The following SIPA1L1 variants were observed in gnomAD, a reference collection of about 807,000 sequenced individuals.
The protein encoded by SIPA1L1 is signal induced proliferation associated 1 like 1.
In SIPA1L1, 26 loss-of-function variants were observed where a neutral mutation model predicts 162.7. The ratio of observed to expected loss-of-function variants is 0.16; its 90% CI spans 0.12 to 0.22. The LOEUF is 0.22. Ranked by LOEUF, SIPA1L1 falls within the 10% of genes least tolerant of loss-of-function variation. The probability of loss-of-function intolerance (pLI) is 1.00; values close to 1 mark genes in which losing one functional copy is unlikely to be tolerated. For synonymous variants in SIPA1L1, 829 were observed against 837.4 expected (o/e 0.99, Z 0.17); for missense variants, 1,874 against 2,241.0 (o/e 0.84, Z 3.31).
At chr14:71,718,940 CTTCTT>C (rs1483895548) in intron 17 of SIPA1L1, among the ~76,000 whole-genome samples, 2 of 148,364 alleles carry the variant, frequency 1.3e-5, no homozygotes, top group Non-Finnish European at 3.0e-5. Context: ...TTTTTTTCCT[CTTCTT>C]TTTATTTTTT....
At chr14:71,340,696 C>T (rs2035557312) in intron 2 of SIPA1L1, among the ~76,000 whole-genome samples, 1 of 152,090 alleles carries the variant, frequency 6.6e-6, no homozygotes, top group South Asian at 2.1e-4. Context: ...CTATTGTAGG[C>T]TTTACTGAGA....
intron 3 of SIPA1L1, among the ~76,000 whole-genome samples, chr14:71,527,623 A>C (rs1595911281): frequency 6.6e-6 from 1 of 151,832 alleles, no homozygotes; most frequent in Admixed American, 6.6e-5. Context: ...TTTAATGCTT[A>C]AAAATTTTTT....
intron 2 of SIPA1L1, among the ~76,000 whole-genome samples, chr14:71,496,079 A>G (rs1329828903): frequency 3.3e-5 from 5 of 151,522 alleles, no homozygotes; most frequent in Non-Finnish European, 5.9e-5. Flanking sequence ...AAAGAAAAAA[A>G]AAAAAAAAGC....
intron 16 of SIPA1L1, among the ~76,000 whole-genome samples, chr14:71,705,883 A>G (rs998048874): frequency 1.3e-5 from 2 of 152,058 alleles, no homozygotes; most frequent in African/African-American, 2.4e-5. Context: ...AATTGGGAAT[A>G]TGAGGTTATC....
chr14:71,414,391 C>A (rs1232386308), intron 2 of SIPA1L1, among the ~76,000 whole-genome samples: 1 of 151,582 alleles, frequency 6.6e-6, no homozygotes, highest in Admixed American at 6.6e-5. Flanking sequence ...GGAAAAAAAA[C>A]AAAAACAAAA....
At chr14:71,648,498 G>A (rs1247421770) in intron 7 of SIPA1L1, among the ~76,000 whole-genome samples, 1 of 152,154 alleles carries the variant, frequency 6.6e-6, no homozygotes, top group Non-Finnish European at 1.5e-5. Context: ...GAAAATGGTA[G>A]TTCAGGTTCG....
chr14:71,427,317 G>GGTTT (rs1037985458), intron 2 of SIPA1L1, among the ~76,000 whole-genome samples: 1 of 151,938 alleles, frequency 6.6e-6, no homozygotes, highest in East Asian at 1.9e-4. Context: ...CTGGTTGATA[G>GGTTT]GTTTGTTTGT....
At chr14:71,661,525 G>GCCCC in intron 10 of SIPA1L1, 58 bp downstream of exon 10, 1 of 1,548,302 alleles carries the variant, frequency 6.5e-7, no homozygotes, top group Non-Finnish European at 8.8e-7. Flanking sequence ...TCGCATAGAG[G>GCCCC]CCCCATTCAG....
At chr14:71,324,899 C>T (rs753033480) in intron 2 of SIPA1L1, among the ~76,000 whole-genome samples, 11 of 151,994 alleles carry the variant, frequency 7.2e-5, no homozygotes, top group Non-Finnish European at 1.5e-4. Context: ...TAAAACAGGA[C>T]ATAAAACAGG....
intron 2 of SIPA1L1, among the ~76,000 whole-genome samples, chr14:71,460,144 A>G (rs1213687107): frequency 1.3e-5 from 2 of 152,358 alleles, no homozygotes; most frequent in South Asian, 2.1e-4. Context: ...TTAACAAAAG[A>G]AGGAGGAAAT....
chr14:71,562,907 G>A (rs1030944582), intron 4 of SIPA1L1, among the ~76,000 whole-genome samples: 5 of 152,060 alleles, frequency 3.3e-5, no homozygotes, highest in South Asian at 4.1e-4. Context: ...CGCCCGCCTC[G>A]GCTTCCCAAA....
chr14:71,372,533 A>G (rs532376111), intron 2 of SIPA1L1, among the ~76,000 whole-genome samples: 3 of 152,264 alleles, frequency 2.0e-5, no homozygotes, highest in Admixed American at 6.5e-5. Flanking sequence ...TTAAATATTC[A>G]TGTACATTCT....
At chr14:71,431,581 C>T (rs1291851001) in intron 2 of SIPA1L1, among the ~76,000 whole-genome samples, 1 of 151,846 alleles carries the variant, frequency 6.6e-6, no homozygotes, top group Non-Finnish European at 1.5e-5. Context: ...GTACTTCCAG[C>T]TACTTGGGAG....
intron 5 of SIPA1L1, among the ~76,000 whole-genome samples, chr14:71,599,777 G>T (rs1398495422): frequency 1.3e-5 from 2 of 151,928 alleles, no homozygotes; most frequent in South Asian, 2.1e-4. Context: ...ACCAACATCT[G>T]TTGTCTTTTT....
At chr14:71,545,854 A>C (rs1026263210) in intron 4 of SIPA1L1, among the ~76,000 whole-genome samples, 1 of 152,100 alleles carries the variant, frequency 6.6e-6, no homozygotes, top group Admixed American at 6.5e-5. Context: ...TAATCCTAGC[A>C]CTTTGGGAGG....
rs148830244 is a variant in SIPA1L1 at position 71,474,557 on chromosome 14, A to G, written c.-464-38186A>G. On this transcript the variant is annotated intron_variant, in intron 2 of 23. Coordinates refer to ENST00000381232, the MANE Select transcript of SIPA1L1 (RefSeq NM_001386936.1). ...GAGATCACAATATAAAAAGGTCTCA[A>G]TCTTGTGCCAAAATTATAGAATGGG... Among the ~76,000 whole-genome samples the G allele has an allele frequency of 1.4e-3, 212 of 152,378 alleles. 1 individual carries two copies. Among genetic ancestry groups the G allele is most frequent in the Middle Eastern group, 6.8e-3 (2 of 294 alleles).
intron 2 of SIPA1L1, among the ~76,000 whole-genome samples, chr14:71,416,732 C>T (rs1471541915): frequency 6.6e-6 from 1 of 151,430 alleles, no homozygotes; most frequent in Non-Finnish European, 1.5e-5. Context: ...CACACACACA[C>T]ACACACACAC....
rs189061504 is a variant in SIPA1L1 at position 71,639,632 on chromosome 14, A to T, written c.1819-10703A>T. ...GAATACCTAAAACAATCTGAGAAAGAGGAATTAATGTGGGAGAAGTTATTC... is the reference window on the plus strand; with the variant it reads ...GAATACCTAAAACAATCTGAGAAAGTGGAATTAATGTGGGAGAAGTTATTC... On this transcript the variant is annotated intron_variant, in intron 7 of 23. Transcript: ENST00000381232. 4.6e-5 allele frequency among the ~76,000 whole-genome samples: 7 copies of T among 152,354 alleles called. No homozygotes were observed. In the East Asian group the frequency reaches 1.3e-3, roughly 29 times the overall value.
intron 3 of SIPA1L1, among the ~76,000 whole-genome samples, chr14:71,513,789 T>C (rs766040502): frequency 2.2e-4 from 34 of 152,302 alleles, no homozygotes; most frequent in Admixed American, 4.6e-4. Flanking sequence ...GAGACTGGCC[T>C]GACTGATTTC....
Sources: gnomAD v4.1 joint callset for allele counts (sites outside exome capture counted in the v4.1 genomes callset) on GRCh38, gnomAD v4.1.1 for gene constraint, MANE v1.5 for transcripts, NCBI Gene and HGNC (gene_info 2026-07-23, HGNC 2026-07-21) for gene names.